Variants in RIT2 observed in about 807,000 individuals in gnomAD.
RIT2 encodes the protein Ras like without CAAX 2.
A neutral mutation model predicts 23.7 loss-of-function variants in RIT2; 24 were observed. That is an observed-to-expected ratio of 1.01 (90% CI 0.73 to 1.43). The LOEUF (loss-of-function observed/expected upper bound fraction) is 1.43, where lower values mean the gene tolerates loss of function less well. Among genes scored for constraint, RIT2 ranks in the 40% most tolerant of loss-of-function variants. RIT2 has a pLI of 0.00. For synonymous variants in RIT2, 107 were observed against 91.1 expected (o/e 1.17, Z -0.99); for missense variants, 236 against 266.9 (o/e 0.88, Z 0.81).
At chr18:42,965,254 T>C (rs1261665957) in intron 3 of RIT2, among the ~76,000 whole-genome samples, 1 of 152,212 alleles carries the variant, frequency 6.6e-6, no homozygotes, top group Admixed American at 6.5e-5. Context: ...TAACTCTTTG[T>C]TTTAAGAATG....
At chr18:42,952,681 TAAAG>T (rs1171251261) in intron 3 of RIT2, among the ~76,000 whole-genome samples, 2 of 151,968 alleles carry the variant, frequency 1.3e-5, no homozygotes, top group Non-Finnish European at 2.9e-5. Flanking sequence ...TGTGGTTTAA[TAAAG>T]AAAATAAATG....
At chr18:42,949,142 C>A in intron 3 of RIT2, 1 of 396,270 alleles carries the variant, frequency 2.5e-6, no homozygotes, top group South Asian at 1.3e-4. Context: ...GCTTCCAAGC[C>A]AAAAAGATCT....
intron 4 of RIT2, among the ~76,000 whole-genome samples, chr18:42,780,047 GTTTTTTTTTTTTT>G (rs71175923): frequency 2.3e-4 from 14 of 59,594 alleles, no homozygotes; most frequent in African/African-American, 3.6e-4. Context: ...CAATTTAGAG[GTTTTTTTTTTTTT>G]TTTTTTTTTT....
intron 4 of RIT2, among the ~76,000 whole-genome samples, chr18:42,915,441 C>G (rs1908882507): frequency 6.6e-6 from 1 of 152,008 alleles, no homozygotes; most frequent in Admixed American, 6.6e-5. Context: ...GATTCCATTT[C>G]AAGGAACCGA....
At chr18:43,110,121 T>C (rs1913918832) in intron 1 of RIT2, among the ~76,000 whole-genome samples, 1 of 152,084 alleles carries the variant, frequency 6.6e-6, no homozygotes, top group Admixed American at 6.6e-5. Flanking sequence ...TTTACCCCAA[T>C]TTTATGCGAT....
At chr18:42,799,070 C>T (rs1905454158) in intron 4 of RIT2, among the ~76,000 whole-genome samples, 1 of 152,164 alleles carries the variant, frequency 6.6e-6, no homozygotes, top group Non-Finnish European at 1.5e-5. Context: ...ATATTAACTT[C>T]AGCAGTTATC....
intron 3 of RIT2, among the ~76,000 whole-genome samples, chr18:42,965,498 A>T (rs992577115): frequency 6.6e-6 from 1 of 152,150 alleles, no homozygotes; most frequent in Non-Finnish European, 1.5e-5. Flanking sequence ...ATAGATACCA[A>T]ATAGAATGTA....
chr18:42,886,790 C>CT (rs1908033695), intron 4 of RIT2, among the ~76,000 whole-genome samples: 1 of 152,208 alleles, frequency 6.6e-6, no homozygotes, highest in African/African-American at 2.4e-5. Flanking sequence ...GCAAGATTGG[C>CT]TGTTTTTTAA....
intron 4 of RIT2, among the ~76,000 whole-genome samples, chr18:42,824,378 TCCACTTTCATTA>T (rs1293064210): frequency 3.3e-5 from 5 of 152,044 alleles, no homozygotes; most frequent in Non-Finnish European, 2.9e-5. Context: ...GAAGATGTGT[TCCACTTTCATTA>T]CCACTGTCCA....
chr18:42,978,200 A>T (rs2144209510), intron 2 of RIT2, among the ~76,000 whole-genome samples: 1 of 152,190 alleles, frequency 6.6e-6, no homozygotes, highest in South Asian at 2.1e-4. Flanking sequence ...AGCCCAGCAC[A>T]TGAAACGTAT....
chr18:42,841,918 C>G (rs1004356875), intron 4 of RIT2, among the ~76,000 whole-genome samples: 1 of 152,134 alleles, frequency 6.6e-6, no homozygotes, highest in African/African-American at 2.4e-5. Context: ...CTTATGCCAC[C>G]CATGTCTGGC....
chr18:42,790,165 T>G (rs1598654761), intron 4 of RIT2, among the ~76,000 whole-genome samples: 1 of 152,214 alleles, frequency 6.6e-6, no homozygotes. Flanking sequence ...CAAACTAATT[T>G]ACAAATCCGA....
chr18:42,920,018 G>A (rs1378043829), intron 4 of RIT2, among the ~76,000 whole-genome samples: 1 of 152,090 alleles, frequency 6.6e-6, no homozygotes, highest in Admixed American at 6.6e-5. Context: ...CAACTTTCCA[G>A]TAATTTTGAA....
At chr18:42,859,439 T>TA (rs2144047401) in intron 4 of RIT2, among the ~76,000 whole-genome samples, 1 of 152,338 alleles carries the variant, frequency 6.6e-6, no homozygotes, top group Non-Finnish European at 1.5e-5. Flanking sequence ...GTTCTTTGTG[T>TA]AGCCTGGATA....
chr18:42,931,422 A>C (rs543713138), intron 3 of RIT2, among the ~76,000 whole-genome samples: 3 of 152,264 alleles, frequency 2.0e-5, no homozygotes, highest in South Asian at 2.1e-4. Flanking sequence ...ATTATAAAGC[A>C]AGTTAATGTT....
intron 1 of RIT2, among the ~76,000 whole-genome samples, chr18:43,070,457 A>G (rs1009559903): frequency 6.6e-6 from 1 of 152,340 alleles, no homozygotes; most frequent in Non-Finnish European, 1.5e-5. Flanking sequence ...ATTCAGCTCA[A>G]TAAAACTACA....
intron 4 of RIT2, among the ~76,000 whole-genome samples, chr18:42,748,024 C>T (rs942919209): frequency 1.3e-5 from 2 of 152,002 alleles, no homozygotes; most frequent in Non-Finnish European, 2.9e-5. Context: ...GCAACAAAAA[C>T]AAAGATAAAT....
intron 4 of RIT2, among the ~76,000 whole-genome samples, chr18:42,889,721 A>G (rs991524590): frequency 1.3e-5 from 2 of 152,130 alleles, no homozygotes; most frequent in Non-Finnish European, 2.9e-5. Flanking sequence ...TACCGCCATC[A>G]AACATTTATA....
chr18:42,776,357 G>A (rs1323772826), intron 4 of RIT2, among the ~76,000 whole-genome samples: 1 of 152,068 alleles, frequency 6.6e-6, no homozygotes, highest in East Asian at 1.9e-4. Flanking sequence ...GAAAGTACAA[G>A]ATAAACCCAG....
Sources: gnomAD v4.1 joint callset for allele counts (sites outside exome capture counted in the v4.1 genomes callset) on GRCh38, gnomAD v4.1.1 for gene constraint, MANE v1.5 for transcripts, NCBI Gene and HGNC (gene_info 2026-07-23, HGNC 2026-07-21) for gene names.